Variants in CDKL5 observed in about 807,000 individuals in gnomAD.
CDKL5 encodes cyclin dependent kinase like 5, also known as cyclin-dependent kinase-like 5.
Under a neutral mutation model 61.7 loss-of-function variants are expected in CDKL5, and 8 were observed. That is an observed-to-expected ratio of 0.13 (90% CI 0.08 to 0.23). The LOEUF (loss-of-function observed/expected upper bound fraction) is 0.23. CDKL5 is among the 10% of genes least tolerant of loss of function. The pLI is 1.00. For missense variants in CDKL5, 440 were observed against 734.5 expected (o/e 0.60, Z 4.63); for synonymous variants, 275 against 272.3 (o/e 1.01, Z -0.10).
At chrX:18,623,921 C>T (rs1351435628) in intron 16 of CDKL5, 13 of 739,432 alleles carry the variant, frequency 1.8e-5, no homozygotes, top group Non-Finnish European at 2.1e-5. Context: ...CAAGAAATCC[C>T]TCTTTCCTCT....
intron 1 of CDKL5, among the ~76,000 whole-genome samples, chrX:18,456,739 C>A (rs142909150): frequency 8.9e-6 from 1 of 111,739 alleles, no homozygotes; most frequent in East Asian, 2.8e-4. Context: ...CCTTCAAATT[C>A]TTTTCCCTTC....
intron 1 of CDKL5, among the ~76,000 whole-genome samples, chrX:18,463,366 G>A (rs1932332713): frequency 8.9e-6 from 1 of 111,903 alleles, no homozygotes; most frequent in Admixed American, 9.6e-5. Context: ...CAGTGAAGAA[G>A]AATGCAGAAT....
intron 1 of CDKL5, among the ~76,000 whole-genome samples, chrX:18,483,648 C>T (rs899200441): frequency 9.1e-6 from 1 of 109,849 alleles, no homozygotes; most frequent in African/African-American, 3.3e-5. Flanking sequence ...TCTTGAACTC[C>T]TGACCTCGTG....
In CDKL5 at chrX:18,633,518, TC is replaced by T; in HGVS notation, c.*4762del. ...GCAGTTACAATTTCTTCCTTTTGCT[TC>T]TTGACCAGCTGAGATACAGAATATC... On this transcript the variant is annotated 3_prime_UTR_variant, in exon 18 of 18. Coordinates refer to ENST00000623535, the MANE Select transcript of CDKL5 (RefSeq NM_001323289.2). The T allele has an allele frequency of 1.3e-6, 1 of 754,223 alleles. No homozygotes were observed. Among genetic ancestry groups the T allele is most frequent in the Non-Finnish European group, 1.6e-6 (1 of 639,197 alleles). 62.2% of individuals were successfully genotyped at this position (754,223 alleles called of 1,213,427 possible).
chrX:18,446,012 C>G (rs1354945590), intron 1 of CDKL5, among the ~76,000 whole-genome samples: 1 of 109,278 alleles, frequency 9.2e-6, no homozygotes, highest in African/African-American at 3.3e-5. Context: ...TGCAGCCACT[C>G]CTTTCTATTC....
chrX:18,589,598 CAT>C (rs1925762050), intron 9 of CDKL5: 1 of 111,621 alleles, frequency 9.0e-6, no homozygotes, highest in Non-Finnish European at 1.9e-5. Flanking sequence ...CCGCAGTAAA[CAT>C]ATGTGTGCAT....
At chrX:18,519,709 C>T (rs1288119924) in intron 3 of CDKL5, among the ~76,000 whole-genome samples, 2 of 111,301 alleles carry the variant, frequency 1.8e-5, no homozygotes, top group Non-Finnish European at 3.8e-5. Flanking sequence ...AAGACGAATA[C>T]GAAGAAGAAA....
rs143682861 is a variant in CDKL5 at position 18,647,197 on chromosome X, C to A, written c.2797+1107C>A. ...ATCCCCGGGCCCTGCTTACCCAAAG[C>A]CTTGACTGTTGAGCCGGGCCTTGTT... On this transcript the variant is annotated intron_variant, in intron 20 of 21. Coordinates refer to the CDKL5 transcript ENST00000379989. 2.5e-6 allele frequency: 3 copies of A among 1,211,180 alleles called. No homozygotes were observed. Among genetic ancestry groups the A allele is most frequent in the Non-Finnish European group, 3.4e-6 (3 of 895,425 alleles).
chrX:18,566,575 T>A (rs756177063), intron 4 of CDKL5, among the ~76,000 whole-genome samples: 7 of 112,444 alleles, frequency 6.2e-5, no homozygotes, highest in Non-Finnish European at 1.3e-4. Flanking sequence ...AGTGGAAATC[T>A]AGTGTATCCG....
chrX:18,647,128 G>A (rs1302987372), intron 20 of CDKL5: 17 of 1,160,056 alleles, frequency 1.5e-5, no homozygotes, highest in South Asian at 5.4e-5. Context: ...TGTTGGCCAC[G>A]CTGGTAGAGA....
At chrX:18,580,040 GTCTT>G in intron 6 of CDKL5, 72 bp downstream of exon 6, 1 of 901,253 alleles carries the variant, frequency 1.1e-6, no homozygotes, top group Non-Finnish European at 1.6e-6. Context: ...ACATGTTACT[GTCTT>G]TAAGAATATT....
chrX:18,435,787 G>A (rs1925065077), intron 1 of CDKL5, among the ~76,000 whole-genome samples: 2 of 110,902 alleles, frequency 1.8e-5, no homozygotes, highest in African/African-American at 6.6e-5. Context: ...GGCTGATTTC[G>A]AACTCCTGAC....
intron 9 of CDKL5, among the ~76,000 whole-genome samples, chrX:18,593,474 G>A: frequency 9.0e-6 from 1 of 111,368 alleles, no homozygotes; most frequent in Middle Eastern, 4.7e-3. Context: ...ACTGGTATAG[G>A]GTCTTTTATC....
At chrX:18,436,489 C>T (rs1364605669) in intron 1 of CDKL5, among the ~76,000 whole-genome samples, 2 of 111,057 alleles carry the variant, frequency 1.8e-5, no homozygotes, top group Non-Finnish European at 3.8e-5. Flanking sequence ...TTAAGTGAGA[C>T]CCGAAGAATG....
intron 1 of CDKL5, among the ~76,000 whole-genome samples, chrX:18,480,980 C>T (rs1443061881): frequency 9.2e-6 from 1 of 108,571 alleles, no homozygotes; most frequent in Non-Finnish European, 1.9e-5. Context: ...GTCTCAGCCT[C>T]TTGAGTAGCT....
At chrX:18,606,352 G>T (rs769293975) in intron 12 of CDKL5, among the ~76,000 whole-genome samples, 25 of 112,792 alleles carry the variant, frequency 2.2e-4, no homozygotes, top group African/African-American at 8.0e-4. Context: ...GGGCTAGGAT[G>T]TATAGACAAG....
chrX:18,567,579 T>A (rs1925008877), intron 4 of CDKL5, among the ~76,000 whole-genome samples: 1 of 111,300 alleles, frequency 9.0e-6, no homozygotes, highest in Non-Finnish European at 1.9e-5. Flanking sequence ...GTGGAAAAAA[T>A]TGTTACGTAC....
Position 18,613,168 on chromosome X carries a change from A to G in CDKL5, c.2169A>G (p.Pro723=). 1 of 1,193,813 alleles carries G rather than the reference A, an allele frequency of 8.4e-7. No homozygotes were observed. The highest frequency in any genetic ancestry group is 1.1e-6 in the Non-Finnish European group (1 of 883,766). The part of the protein sequence containing the change: ...GSFYRVPSPR[P]DNSFHENNVS... ...TTTATTCAGTGCCATCTCCACGTCC[A>G]GACAATTCTTTCCATGAAAATAATG... The change falls in exon 15 of 18, where the codon CCA becomes CCG. Residue 723 remains proline, a synonymous_variant. Transcript: ENST00000623535.
chrX:18,630,827 C>T lies in CDKL5; in HGVS notation c.*2070C>T, dbSNP rs912923660. 1.2e-5 allele frequency: 9 copies of T among 747,644 alleles called. No homozygotes were observed. In the African/African-American group the frequency reaches 2.2e-4, roughly 18 times the overall value. 61.6% of individuals were successfully genotyped at this position (747,644 alleles called of 1,213,427 possible). A position where few individuals can be genotyped will look rare whatever the true frequency, so the allele number is the denominator to read the frequency against. Reference sequence around the variant, plus strand: ...CACCAGTTCAGTACTGTTTGGGTAGCTCTGAATTCTGGCTTTTCCAGGCAG... The same window carrying T: ...CACCAGTTCAGTACTGTTTGGGTAGTTCTGAATTCTGGCTTTTCCAGGCAG... On this transcript the variant is annotated 3_prime_UTR_variant, in exon 18 of 18. Coordinates refer to ENST00000623535, the MANE Select transcript of CDKL5 (RefSeq NM_001323289.2).
Sources: allele counts gnomAD v4.1 joint callset (sites outside exome capture counted in the v4.1 genomes callset), GRCh38; gene constraint gnomAD v4.1.1; transcripts MANE v1.5; gene names NCBI Gene and HGNC (gene_info 2026-07-23, HGNC 2026-07-21).